Variants in CCNB3 observed in about 807,000 individuals in gnomAD.
CCNB3 encodes G2/mitotic-specific cyclin-B3.
Under a neutral mutation model 68.0 loss-of-function variants are expected in CCNB3, and 12 were observed. The ratio of observed to expected loss-of-function variants is 0.18; its 90% CI spans 0.11 to 0.29. CCNB3 has a LOEUF of 0.29. CCNB3 is among the 10% of genes least tolerant of loss of function. The probability of loss-of-function intolerance (pLI) is 1.00; values close to 1 mark genes in which losing one functional copy is unlikely to be tolerated. For synonymous variants in CCNB3, 354 were observed against 388.9 expected, an observed-to-expected ratio of 0.91 and a Z score of 1.06; for missense variants, 904 against 993.1, an observed-to-expected ratio of 0.91 and a Z score of 1.21.
At chrX:50,316,551 T>A (rs956625009) in intron 8 of CCNB3, among the ~76,000 whole-genome samples, 6 of 112,232 alleles carry the variant, frequency 5.3e-5, no homozygotes. Context: ...ACTGCCACTA[T>A]GATTAGGAAA....
intron 8 of CCNB3, among the ~76,000 whole-genome samples, chrX:50,318,428 G>A (rs782229576): frequency 5.4e-5 from 6 of 110,745 alleles, no homozygotes; most frequent in Admixed American, 9.7e-5. Context: ...CAGGAGAATC[G>A]CTTGAACCTG....
intron 1 of CCNB3, among the ~76,000 whole-genome samples, chrX:50,220,291 C>T (rs1029567707): frequency 9.0e-6 from 1 of 111,705 alleles, no homozygotes; most frequent in African/African-American, 3.2e-5. Flanking sequence ...CTGGCCAGAA[C>T]TTCCAATACT....
intron 1 of CCNB3, among the ~76,000 whole-genome samples, chrX:50,279,767 A>C (rs1289980657): frequency 1.8e-4 from 16 of 89,788 alleles, no homozygotes; most frequent in African/African-American, 6.5e-4. Flanking sequence ...AATATATATG[A>C]ATATGTATAT....
At position 50,297,080 on chromosome X, in the gene CCNB3, T is replaced by G. The variant is rs1186822520; in HGVS notation, c.335+2087T>G. ...AAAATTTTCTCCCATTCTGTAGGTT[T>G]CCTGTTCACTCTGATGGTGGTTTCT... On this transcript the variant is annotated intron_variant, in intron 5 of 12. Transcript: ENST00000376042. Among the ~76,000 whole-genome samples the G allele has an allele frequency of 8.0e-4, 89 of 111,401 alleles. 1 individual carries two copies. Among genetic ancestry groups the G allele is most frequent in the African/African-American group, 2.6e-3 (80 of 30,713 alleles).
intron 1 of CCNB3, among the ~76,000 whole-genome samples, chrX:50,226,443 A>ATG (rs1935806126): frequency 1.4e-5 from 1 of 71,857 alleles, no homozygotes; most frequent in Non-Finnish European, 2.4e-5. Flanking sequence ...AAAAATATAT[A>ATG]TAGAATATAT....
At chrX:50,299,891 C>T (rs1211036420) in intron 5 of CCNB3, among the ~76,000 whole-genome samples, 2 of 111,497 alleles carry the variant, frequency 1.8e-5, no homozygotes, top group Non-Finnish European at 3.8e-5. Flanking sequence ...TATGTAATGG[C>T]CTTCTTTGTC....
chrX:50,289,365 G>A (rs1405785859), intron 4 of CCNB3, among the ~76,000 whole-genome samples: 3 of 111,021 alleles, frequency 2.7e-5, no homozygotes, highest in Non-Finnish European at 5.7e-5. Context: ...AATCAAAAAT[G>A]CCTCCAGATA....
chrX:50,287,263 A>G (rs1442784811), intron 3 of CCNB3, among the ~76,000 whole-genome samples: 2 of 111,039 alleles, frequency 1.8e-5, no homozygotes, highest in Non-Finnish European at 3.8e-5. Context: ...CTCATTTGGG[A>G]ATGGGGTAAG....
At chrX:50,320,431 C>T (rs1921957458) in intron 8 of CCNB3, among the ~76,000 whole-genome samples, 1 of 110,419 alleles carries the variant, frequency 9.1e-6, no homozygotes, top group Admixed American at 9.7e-5. Flanking sequence ...AGTGTTCCCT[C>T]TTTCATTCCT....
Position 50,294,921 on chromosome X carries a change from T to C in CCNB3, c.263T>C (p.Val88Ala). ...GAAGCCAATAAAGAGTTTGTAAAAG[T>C]TGTTTCCAAGAAGATAAACAGGAAC... ...KKEANKEFVKVVSKKINRNTH... is the reference protein window; with the variant it reads ...KKEANKEFVKAVSKKINRNTH... The change falls in exon 5 of 13, where the codon GTT becomes GCT. Residue 88 changes from valine (V) to alanine (A), a missense_variant. By Grantham distance (64) the Val-to-Ala change is moderately conservative. This residue lies in a region of CCNB3 where 619 missense variants were observed against 609.8 expected (regional missense o/e 1.02). Coordinates refer to ENST00000376042, the MANE Select transcript of CCNB3 (RefSeq NM_033031.3). 8.3e-7 allele frequency: 1 copy of C among 1,210,024 alleles called. No individual in the cohort carries two copies. Among genetic ancestry groups the C allele is most frequent in the Non-Finnish European group, 1.1e-6 (1 of 894,315 alleles).
At chrX:50,279,615 TAC>T (rs1936058439) in intron 1 of CCNB3, among the ~76,000 whole-genome samples, 1 of 75,274 alleles carries the variant, frequency 1.3e-5, no homozygotes, top group Non-Finnish European at 2.7e-5. Context: ...TATGCATATG[TAC>T]ATTCATCTAT....
In CCNB3 at chrX:50,351,784, C is replaced by A. The variant is rs1483285748; in HGVS notation, c.*81C>A. On this transcript the variant is annotated 3_prime_UTR_variant, in exon 13 of 13. Transcript: ENST00000376042. Reference sequence around the variant, plus strand: ...AATTTGTCTTTTGATCGCTTTTATTCATTTTTCCTTTCTTTGTCTTTTCCC... The same window carrying A: ...AATTTGTCTTTTGATCGCTTTTATTAATTTTTCCTTTCTTTGTCTTTTCCC... The A allele has an allele frequency of 1.9e-5, 13 of 690,165 alleles. No homozygotes were observed. The highest frequency in any genetic ancestry group is 2.5e-5 in the Non-Finnish European group (12 of 475,207). The allele number at this position is 690,165 out of a possible 1,213,427, so 56.9% of individuals were successfully genotyped here. A position where few individuals can be genotyped will look rare whatever the true frequency, so the allele number is the denominator to read the frequency against.
intron 1 of CCNB3, among the ~76,000 whole-genome samples, chrX:50,210,677 G>A (rs1022718180): frequency 9.0e-6 from 1 of 111,480 alleles, no homozygotes; most frequent in Admixed American, 9.5e-5. Context: ...TACTGGTCAT[G>A]TTTGTTCTCT....
At chrX:50,311,589 T>C in intron 6 of CCNB3, 93 bp downstream of exon 6, 1 of 683,180 alleles carries the variant, frequency 1.5e-6, no homozygotes, top group South Asian at 3.0e-5. Context: ...TTTTTGTTTT[T>C]GTTTTTTGTT....
chrX:50,310,558 C>A lies in CCNB3; in HGVS notation c.2389C>A (p.Leu797Ile), dbSNP rs782488937. 20 of 1,210,236 alleles carry A rather than the reference C, an allele frequency of 1.7e-5. No individual in the cohort carries two copies. Among genetic ancestry groups the A allele is most frequent in the Non-Finnish European group, 2.1e-5 (19 of 895,279 alleles). The part of the protein sequence containing the change: ...GYPSIAEGET[L>I]FKKLLAMQEE... ...TCCCAGCATTGCGGAGGGGGAGACC[C>A]TCTTCAAGAAGCTTTTGGCCATGCA... is the stretch of plus-strand genomic sequence containing the variant. Residue 797 changes from leucine (L) to isoleucine (I), a missense_variant, in exon 6 of 13, where the codon CTC becomes ATC. Leu to Ile is a conservative substitution (Grantham distance 5, BLOSUM62 2). Around this residue, in one of 2 missense-constraint regions of CCNB3, gnomAD observed 619 missense variants for 609.8 expected, o/e 1.02. Transcript: ENST00000376042.
At chrX:50,208,178 G>A (rs73211784) in intron 1 of CCNB3, among the ~76,000 whole-genome samples, 1 of 111,821 alleles carries the variant, frequency 8.9e-6, no homozygotes, top group Non-Finnish European at 1.9e-5. Context: ...AGCACATACC[G>A]AAATTTCAGA....
At chrX:50,350,931 A>G (rs782140410) in intron 11 of CCNB3, among the ~76,000 whole-genome samples, 1 of 110,996 alleles carries the variant, frequency 9.0e-6, no homozygotes, top group South Asian at 3.9e-4. Flanking sequence ...TCCTGGGCTC[A>G]AGCAGTCCTC....
In CCNB3 at chrX:50,309,336, C is replaced by T. The variant is rs1569542862; in HGVS notation, c.1167C>T (p.Cys389=). 1 of 1,210,992 alleles carries T rather than the reference C, an allele frequency of 8.3e-7. No individual in the cohort carries two copies. Among genetic ancestry groups the T allele is most frequent in the Admixed American group, 2.2e-5 (1 of 45,971 alleles). ...TGCCAGTAATATTGAAGGAGCAGTG[C>T]ATGACTGAGGGGAAGAGGTCCCGTC... ...IMMPVILKEQ[C]MTEGKRSRLK... Residue 389 remains cysteine, a synonymous_variant, in exon 6 of 13, where the codon TGC becomes TGT. Transcript: ENST00000376042.
chrX:50,350,804 TC>T (rs1201060835), intron 11 of CCNB3, among the ~76,000 whole-genome samples: 1 of 109,590 alleles, frequency 9.1e-6, no homozygotes, highest in Middle Eastern at 4.2e-3. Context: ...CAAGCAATCC[TC>T]CTGCCTCAGC....
Sources: gnomAD v4.1 joint callset for allele counts (sites outside exome capture counted in the v4.1 genomes callset) on GRCh38, gnomAD v4.1.1 for gene constraint, gnomAD v4.1.1 regional missense constraint, MANE v1.5 for transcripts, NCBI Gene and HGNC (gene_info 2026-07-23, HGNC 2026-07-21) for gene names.